The following IQCH variants were observed in gnomAD, a reference collection of about 807,000 sequenced individuals.
IQCH encodes IQ domain-containing protein H.
Under a neutral mutation model 117.0 loss-of-function variants are expected in IQCH, and 98 were observed. That is an observed-to-expected ratio of 0.84 (90% CI 0.71 to 0.99). The LOEUF is 0.99. Ranked by LOEUF, IQCH falls within the 50% of genes least tolerant of loss-of-function variation. The pLI is 0.00. For synonymous variants in IQCH, 412 were observed against 448.2 expected (o/e 0.92, Z 1.02); for missense variants, 1,102 against 1,243.8 (o/e 0.89, Z 1.72).
rs1487341385 is a variant in IQCH at position 67,443,107 on chromosome 15, C to T, written c.2505+21530C>T. On this transcript the variant is annotated intron_variant, in intron 16 of 20. Coordinates refer to ENST00000335894, the MANE Select transcript of IQCH (RefSeq NM_001031715.3). The surrounding 1 kb of genome is among the most constrained non-coding windows in gnomAD (Gnocchi z 5.0). ...TCCCGGGTTCACACCATTTTCCTGC[C>T]TCAGCCTCCTGAGTAGCTGGGACTA... Among the ~76,000 whole-genome samples the T allele has an allele frequency of 6.6e-6, 1 of 152,066 alleles. No homozygotes were observed. Among genetic ancestry groups the T allele is most frequent in the African/African-American group, 2.4e-5 (1 of 41,412 alleles).
Position 67,279,530 on chromosome 15 carries a change from C to G in IQCH, c.387+18C>G. 7.0e-7 allele frequency: 1 copy of G among 1,430,444 alleles called. No individual in the cohort carries two copies. Among genetic ancestry groups the G allele is most frequent in the Non-Finnish European group, 9.8e-7 (1 of 1,025,080 alleles). The allele number at this position is 1,430,444 out of a possible 1,614,324, so 88.6% of individuals were successfully genotyped here. On this transcript the variant is annotated intron_variant, in intron 4 of 20. Transcript: ENST00000335894. The stretch of plus-strand genomic sequence containing the variant: ...GAGCAAAGGTAGGTATAGAGAAATT[C>G]ATAGAGACAGAAAGTAGTTTAGTGA...
At position 67,257,689 on chromosome 15, in the gene IQCH, G is replaced by T. The variant is rs1357565346; in HGVS notation, c.51+2742G>T. On this transcript the variant is annotated intron_variant, in intron 1 of 20. Coordinates refer to ENST00000335894, the MANE Select transcript of IQCH (RefSeq NM_001031715.3). ...TGTTTTTATGCTTCATTAAAATGTG[G>T]TATATTCTTAATATATCTTTATAAA... is the stretch of plus-strand genomic sequence containing the variant. 2.6e-5 allele frequency among the ~76,000 whole-genome samples: 4 copies of T among 152,100 alleles called. No individual in the cohort carries two copies. The South Asian group carries it at 8.3e-4, about 32-fold the overall frequency.
chr15:67,471,214 A>G (rs2083062682), intron 17 of IQCH, among the ~76,000 whole-genome samples: 1 of 151,034 alleles, frequency 6.6e-6, no homozygotes, highest in South Asian at 2.1e-4. Flanking sequence ...CTTAGAATAC[A>G]TACCATAAAG....
At position 67,481,710 on chromosome 15, in the gene IQCH, G is replaced by A. The variant is rs1290893601; in HGVS notation, c.2799+5892G>A. On this transcript the variant is annotated intron_variant, in intron 18 of 20. Coordinates refer to ENST00000335894, the MANE Select transcript of IQCH (RefSeq NM_001031715.3). The surrounding 1 kb of genome is among the most constrained non-coding windows in gnomAD (Gnocchi z 4.1). ...AGAGGCATAGAAGCAAGAAAGCAAA[G>A]AAATATAGAAAATTTAAGAAGTATC... Among the ~76,000 whole-genome samples the A allele has an allele frequency of 2.0e-5, 3 of 152,178 alleles. No individual in the cohort carries two copies. The highest frequency in any genetic ancestry group is 4.4e-5 in the Non-Finnish European group (3 of 68,018).
chr15:67,351,116 T>G (rs1238219924), intron 6 of IQCH, among the ~76,000 whole-genome samples: 2 of 152,210 alleles, frequency 1.3e-5, no homozygotes, highest in Non-Finnish European at 2.9e-5. Context: ...ATACATGTGC[T>G]GAACGTGCAG....
At position 67,369,497 on chromosome 15, in the gene IQCH, GA is replaced by G. The variant is rs1371114116; in HGVS notation, c.754-2608del. Among the ~76,000 whole-genome samples the G allele has an allele frequency of 2.1e-5, 3 of 145,848 alleles. No homozygotes were observed. Among genetic ancestry groups the G allele is most frequent in the Non-Finnish European group, 4.5e-5 (3 of 66,780 alleles). On this transcript the variant is annotated intron_variant, in intron 8 of 20. Coordinates refer to ENST00000335894, the MANE Select transcript of IQCH (RefSeq NM_001031715.3). This position sits in a 1 kb window ranked among gnomAD's most constrained non-coding sequence, Gnocchi z 5.2. The stretch of plus-strand genomic sequence containing the variant: ...AAAGAGAGAGGAAGGAAGAGAAAAA[GA>G]AAAAAGAGAAAGAAGAGAGGGAAGG...
intron 4 of IQCH, among the ~76,000 whole-genome samples, chr15:67,285,406 G>A (rs1966524024): frequency 6.6e-6 from 1 of 151,810 alleles, no homozygotes; most frequent in East Asian, 1.9e-4. Flanking sequence ...TGTTTATTTT[G>A]TTGATAGTTT....
chr15:67,262,979 A>G (rs574139258), intron 2 of IQCH, 143 bp from the exon 3 acceptor site: 183 of 631,370 alleles, frequency 2.9e-4, no homozygotes, highest in Non-Finnish European at 4.8e-4. Context: ...GAGATGCCTA[A>G]TGATACCTTA....
At chr15:67,316,904 C>A (rs1321481999) in intron 4 of IQCH, among the ~76,000 whole-genome samples, 1 of 151,834 alleles carries the variant, frequency 6.6e-6, no homozygotes, top group Non-Finnish European at 1.5e-5. Flanking sequence ...TGGGCCCAGT[C>A]AAAGATTGCT....
At chr15:67,298,296 C>G (rs1966872463) in intron 4 of IQCH, among the ~76,000 whole-genome samples, 1 of 127,838 alleles carries the variant, frequency 7.8e-6, no homozygotes, top group Non-Finnish European at 1.7e-5. Flanking sequence ...GGTGACAGAG[C>G]AAGACTCGGT....
intron 17 of IQCH, among the ~76,000 whole-genome samples, chr15:67,470,074 T>C (rs888966186): frequency 1.3e-5 from 2 of 152,262 alleles, no homozygotes; most frequent in African/African-American, 4.8e-5. Flanking sequence ...CATTATCCAT[T>C]GGCTTCTCGT....
chr15:67,489,322 C>T (rs1015686431), intron 18 of IQCH, among the ~76,000 whole-genome samples: 2 of 150,564 alleles, frequency 1.3e-5, no homozygotes, highest in African/African-American at 4.9e-5. Context: ...TGTGAGCCAC[C>T]GCGCCCGGCC....
chr15:67,378,869 TCTCAGGACCCCTTTACA>T (rs1455139681), intron 10 of IQCH, among the ~76,000 whole-genome samples: 1 of 152,160 alleles, frequency 6.6e-6, no homozygotes, highest in Non-Finnish European at 1.5e-5. Flanking sequence ...GTTCAGTGGT[TCTCAGGACCCCTTTACA>T]CTCATCATGA....
At chr15:67,477,469 C>T (rs1274663153) in intron 18 of IQCH, among the ~76,000 whole-genome samples, 1 of 152,208 alleles carries the variant, frequency 6.6e-6, no homozygotes, top group Non-Finnish European at 1.5e-5. Context: ...GCACATGAGA[C>T]TCTTTGGTTA....
rs1438176826 is a variant in IQCH at position 67,406,815 on chromosome 15, G to C, written c.2097+6510G>C. 2.6e-5 allele frequency: 4 copies of C among 152,214 alleles called. No individual in the cohort carries two copies. The highest frequency in any genetic ancestry group is 9.6e-5 in the African/African-American group (4 of 41,456). 9.4% of individuals were successfully genotyped at this position (152,214 alleles called of 1,614,324 possible). A position where few individuals can be genotyped will look rare whatever the true frequency, so the allele number is the denominator to read the frequency against. On this transcript the variant is annotated intron_variant, in intron 14 of 20. Coordinates refer to ENST00000335894, the MANE Select transcript of IQCH (RefSeq NM_001031715.3). The surrounding 1 kb of genome is among the most constrained non-coding windows in gnomAD (Gnocchi z 4.5). ...TATCTGTAAAGAGAGATTAGTACCTGTCTCATGGGGAAGTGGTGACAAGTA... is the reference window on the plus strand; with the variant it reads ...TATCTGTAAAGAGAGATTAGTACCTCTCTCATGGGGAAGTGGTGACAAGTA...
intron 6 of IQCH, among the ~76,000 whole-genome samples, chr15:67,349,931 A>G (rs1368599817): frequency 6.6e-6 from 1 of 152,220 alleles, no homozygotes; most frequent in African/African-American, 2.4e-5. Flanking sequence ...GGGATGCAAA[A>G]TGGTACAAAC....
rs1459262442 is a variant in IQCH, at chr15:67,430,550, C to T, written c.2505+8973C>T. The T allele has an allele frequency of 2.6e-5, 4 of 151,862 alleles. No individual in the cohort carries two copies. Among genetic ancestry groups the T allele is most frequent in the Admixed American group, 6.6e-5 (1 of 15,234 alleles). 9.4% of individuals were successfully genotyped at this position (151,862 alleles called of 1,614,324 possible). On this transcript the variant is annotated intron_variant, in intron 16 of 20. Coordinates refer to ENST00000335894, the MANE Select transcript of IQCH (RefSeq NM_001031715.3). This position sits in a 1 kb window ranked among gnomAD's most constrained non-coding sequence, Gnocchi z 5.1. ...TTGCCTCCATGAGATTTTTTTAATC[C>T]TTTAGAAAATGTACTAGGCCTTGAA...
At chr15:67,482,412 T>C (rs996606638) in intron 18 of IQCH, among the ~76,000 whole-genome samples, 2 of 152,254 alleles carry the variant, frequency 1.3e-5, no homozygotes, top group African/African-American at 4.8e-5. Flanking sequence ...TTTTTCTTTA[T>C]AGTTCATGGC....
At chr15:67,298,335 A>C (rs1308677647) in intron 4 of IQCH, among the ~76,000 whole-genome samples, 3 of 151,520 alleles carry the variant, frequency 2.0e-5, no homozygotes, top group Non-Finnish European at 4.4e-5. Context: ...CTGAATTGGC[A>C]TTTCTCAAAA....
Sources: gnomAD v4.1 joint callset for allele counts (sites outside exome capture counted in the v4.1 genomes callset) on GRCh38, gnomAD v4.1.1 for gene constraint, Gnocchi (gnomAD v3.1) non-coding constraint, MANE v1.5 for transcripts, NCBI Gene and HGNC (gene_info 2026-07-23, HGNC 2026-07-21) for gene names.